Variants in UBE3B observed in about 807,000 individuals in gnomAD.
UBE3B encodes ubiquitin-protein ligase E3B.
UBE3B carries 80 observed loss-of-function variants against 132.3 expected under a neutral mutation model. The observed-to-expected ratio is 0.60, with a 90% confidence interval of 0.50 to 0.73. UBE3B has a LOEUF of 0.73. Ranked by LOEUF, UBE3B falls within the 30% of genes least tolerant of loss-of-function variation. The pLI is 0.00. For synonymous variants in UBE3B, 487 were observed against 520.4 expected, an observed-to-expected ratio of 0.94 and a Z score of 0.87; for missense variants, 1,196 against 1,362.5, an observed-to-expected ratio of 0.88 and a Z score of 1.92.
At chr12:109,545,747 C>T in the UBE3B span, among the ~76,000 whole-genome samples, 9 of 152,172 alleles carry the variant, frequency 5.9e-5, no homozygotes, top group Non-Finnish European at 8.8e-5. Flanking sequence ...GTCCCACTTA[C>T]CCTTGCCGGG....
chr12:109,504,788 G>A (rs573503568), intron 14 of UBE3B, among the ~76,000 whole-genome samples: 2 of 151,684 alleles, frequency 1.3e-5, no homozygotes, highest in South Asian at 4.2e-4. Flanking sequence ...GGAGTTTGGG[G>A]TTGTGGTTTG....
At chr12:109,531,064 A>G (rs1363763666) in intron 26 of UBE3B, among the ~76,000 whole-genome samples, 1 of 152,194 alleles carries the variant, frequency 6.6e-6, no homozygotes, top group African/African-American at 2.4e-5. Flanking sequence ...CTGTTCCTCC[A>G]GTATGGAATT....
intron 18 of UBE3B, among the ~76,000 whole-genome samples, chr12:109,515,248 C>A (rs1592943086): frequency 1.3e-5 from 2 of 151,940 alleles, no homozygotes; most frequent in Admixed American, 1.3e-4. Flanking sequence ...TTGGTCATTG[C>A]TTTTTTTGTT....
At position 109,534,752 on chromosome 12, in the gene UBE3B, C is replaced by T; in HGVS notation, c.3177C>T (p.Ile1059=). The T allele has an allele frequency of 5.7e-6, 9 of 1,578,466 alleles. No homozygotes were observed. Among genetic ancestry groups the T allele is most frequent in the Non-Finnish European group, 7.7e-6 (9 of 1,161,916 alleles). ...TCCGCGAGAAGCTGCGCTACGCCAT[C>T]AGCATGAACACGGGCTTTGAACTCT... The part of the protein sequence containing the change: ...SVLREKLRYA[I]SMNTGFELS Residue 1059 remains isoleucine, a synonymous_variant, in exon 28 of 28, where the codon ATC becomes ATT. Coordinates refer to ENST00000342494, the MANE Select transcript of UBE3B (RefSeq NM_130466.4). The surrounding 1 kb of genome is among the most constrained non-coding windows in gnomAD (Gnocchi z 5.2).
At chr12:109,491,263 T>C in intron 9 of UBE3B, 136 bp downstream of exon 9, 1 of 711,790 alleles carries the variant, frequency 1.4e-6, no homozygotes, top group South Asian at 2.6e-5. Context: ...TTGTTCTTAA[T>C]GAAAGTGAGC....
At chr12:109,495,903 C>T (rs2135885823) in intron 9 of UBE3B, among the ~76,000 whole-genome samples, 1 of 152,376 alleles carries the variant, frequency 6.6e-6, no homozygotes, top group East Asian at 1.9e-4. Context: ...GGCATCACGG[C>T]CATCACGAAC....
rs763902249 is a variant in UBE3B at position 109,534,552 on chromosome 12, A to C, written c.3016-39A>C. 1.9e-6 allele frequency: 3 copies of C among 1,570,816 alleles called. No homozygotes were observed. The Admixed American group carries it at 5.5e-5, about 29-fold the overall frequency. ...TGGCATCAGCCTGGGCTCCCAAACT[A>C]GGCCCTTCCCAATTCAAGGCCACGA... On this transcript the variant is annotated intron_variant, in intron 27 of 27. Coordinates refer to ENST00000342494, the MANE Select transcript of UBE3B (RefSeq NM_130466.4). This position sits in a 1 kb window ranked among gnomAD's most constrained non-coding sequence, Gnocchi z 5.2.
chr12:109,526,413 A>G lies in UBE3B; in HGVS notation c.2624A>G (p.Asn875Ser). Residue 875 changes from asparagine to serine, a missense_variant, in exon 24 of 28, where the codon AAT becomes AGT. Physicochemically the swap from Asn to Ser is conservative, Grantham distance 46. Coordinates refer to ENST00000342494, the MANE Select transcript of UBE3B (RefSeq NM_130466.4). ...AAGACCATTCCTGTTACAAATGAAA[A>G]TAAGTGAGTATAGCAATTAGGTTTT... ...GGKTIPVTNE[N>S]KISYIHLMAH... 6.2e-7 allele frequency: 1 copy of G among 1,614,142 alleles called. No homozygotes were observed. The highest frequency in any genetic ancestry group is 8.5e-7 in the Non-Finnish European group (1 of 1,179,996).
At chr12:109,541,220 G>A (rs935470122), downstream of UBE3B, among the ~76,000 whole-genome samples, 2 of 152,170 alleles carry the variant, frequency 1.3e-5, no homozygotes, top group Non-Finnish European at 2.9e-5. Context: ...CAGGCAGCAG[G>A]GGCTGTAGAC....
rs1883302303 is a variant in UBE3B, at chr12:109,534,871, A to G, written c.*89A>G. The G allele has an allele frequency of 1.7e-6, 2 of 1,183,574 alleles. No individual in the cohort carries two copies. Among genetic ancestry groups the G allele is most frequent in the Non-Finnish European group, 1.2e-6 (1 of 859,776 alleles). The allele number at this position is 1,183,574 out of a possible 1,614,324, so 73.3% of individuals were successfully genotyped here. ...GTGTGGTCCTGGGAATGTGACCAACATGCCAGGTGACATTGGCCCCTAGAC... is the reference window on the plus strand; with the variant it reads ...GTGTGGTCCTGGGAATGTGACCAACGTGCCAGGTGACATTGGCCCCTAGAC... On this transcript the variant is annotated 3_prime_UTR_variant, in exon 28 of 28. Coordinates refer to ENST00000342494, the MANE Select transcript of UBE3B (RefSeq NM_130466.4). This position sits in a 1 kb window ranked among gnomAD's most constrained non-coding sequence, Gnocchi z 5.2.
chr12:109,491,026 A>G lies in UBE3B; in HGVS notation c.631-19A>G. ...TAAAGTTGATATCATCCTCTGACCAATTAAAACATTCTTTTCAGATATTGT... is the reference window on the plus strand; with the variant it reads ...TAAAGTTGATATCATCCTCTGACCAGTTAAAACATTCTTTTCAGATATTGT... On this transcript the variant is annotated intron_variant, in intron 8 of 27. Coordinates refer to ENST00000342494, the MANE Select transcript of UBE3B (RefSeq NM_130466.4). The G allele has an allele frequency of 6.2e-7, 1 of 1,611,616 alleles. No individual in the cohort carries two copies. Among genetic ancestry groups the G allele is most frequent in the Non-Finnish European group, 8.5e-7 (1 of 1,178,218 alleles).
Position 109,521,376 on chromosome 12 carries a change from A to G in UBE3B, c.2253+52A>G, listed in dbSNP as rs1566106974. 1 of 1,603,832 alleles carries G rather than the reference A, an allele frequency of 6.2e-7. No homozygotes were observed. Among genetic ancestry groups the G allele is most frequent in the Non-Finnish European group, 8.5e-7 (1 of 1,171,636 alleles). On this transcript the variant is annotated intron_variant, in intron 20 of 27. Coordinates refer to ENST00000342494, the MANE Select transcript of UBE3B (RefSeq NM_130466.4). This position sits in a 1 kb window ranked among gnomAD's most constrained non-coding sequence, Gnocchi z 4.2. ...TGACAGCAGCCAGATTCAAGAAGTG[A>G]AGAGCTGGGCTTGCTCCTTGCAAGG...
intron 12 of UBE3B, 113 bp downstream of exon 12, chr12:109,499,923 G>T (rs1004254960): frequency 1.1e-6 from 1 of 944,336 alleles, no homozygotes; most frequent in Non-Finnish European, 1.4e-6. Context: ...AAAATAATAT[G>T]TATTCATTAT....
chr12:109,526,660 C>T lies in UBE3B; in HGVS notation c.2627+244C>T, dbSNP rs145106370. 2.8e-3 allele frequency among the ~76,000 whole-genome samples: 431 copies of T among 152,212 alleles called. 1 individual carries two copies. The highest frequency in any genetic ancestry group is 4.7e-3 in the Non-Finnish European group (317 of 68,020). ...GGCCGAGGCGGGCGGATCACGAGGTCAGGAGTTCGAGACCAGCCTGATCAA... is the reference window on the plus strand; with the variant it reads ...GGCCGAGGCGGGCGGATCACGAGGTTAGGAGTTCGAGACCAGCCTGATCAA... On this transcript the variant is annotated intron_variant, in intron 24 of 27. Coordinates refer to ENST00000342494, the MANE Select transcript of UBE3B (RefSeq NM_130466.4).
intron 1 of UBE3B, among the ~76,000 whole-genome samples, chr12:109,480,403 T>A (rs1875169208): frequency 6.6e-6 from 1 of 151,944 alleles, no homozygotes; most frequent in Non-Finnish European, 1.5e-5. Context: ...ATCCTAACAT[T>A]TTGGGAGGCC....
At chr12:109,544,289 CGAGA>C in the UBE3B span, among the ~76,000 whole-genome samples, 2 of 148,176 alleles carry the variant, frequency 1.3e-5, no homozygotes, top group Non-Finnish European at 3.0e-5. Context: ...ACACTCAGAG[CGAGA>C]GAGAGGGAAG....
At position 109,534,878 on chromosome 12, in the gene UBE3B, G is replaced by A. The variant is rs1386486531; in HGVS notation, c.*96G>A. ...CCTGGGAATGTGACCAACATGCCAG[G>A]TGACATTGGCCCCTAGACCCTCTCT... On this transcript the variant is annotated 3_prime_UTR_variant, in exon 28 of 28. Transcript: ENST00000342494. This position sits in a 1 kb window ranked among gnomAD's most constrained non-coding sequence, Gnocchi z 5.2. 3 of 1,116,342 alleles carry A rather than the reference G, an allele frequency of 2.7e-6. No individual in the cohort carries two copies. In the African/African-American group the frequency reaches 4.8e-5, roughly 18 times the overall value. The allele number at this position is 1,116,342 out of a possible 1,614,324, so 69.2% of individuals were successfully genotyped here. A position where few individuals can be genotyped will look rare whatever the true frequency, so the allele number is the denominator to read the frequency against.
rs1407038457 is a variant in UBE3B at position 109,497,942 on chromosome 12, T to C, written c.819+19T>C. 1 of 1,611,812 alleles carries C rather than the reference T, an allele frequency of 6.2e-7. No individual in the cohort carries two copies. The highest frequency in any genetic ancestry group is 1.3e-5 in the African/African-American group (1 of 74,996). On this transcript the variant is annotated intron_variant, in intron 10 of 27. Transcript: ENST00000342494. ...CCCTGAGGTAAGCAGGCTCTGTGAG[T>C]TCCCCGTGAAAACCCAATTGTGTTT...
At chr12:109,514,667 T>C (rs1426265446) in intron 18 of UBE3B, among the ~76,000 whole-genome samples, 1 of 152,092 alleles carries the variant, frequency 6.6e-6, no homozygotes, top group Non-Finnish European at 1.5e-5. Flanking sequence ...CAAACACCTG[T>C]TCTCAAAAGT....
Sources: allele counts gnomAD v4.1 joint callset (sites outside exome capture counted in the v4.1 genomes callset), GRCh38; gene constraint gnomAD v4.1.1; non-coding constraint Gnocchi (gnomAD v3.1); transcripts MANE v1.5; gene names NCBI Gene and HGNC (gene_info 2026-07-23, HGNC 2026-07-21).